The following WDPCP variants were observed in gnomAD, a reference collection of about 807,000 sequenced individuals.
WDPCP encodes the protein WD repeat-containing and planar cell polarity effector protein fritz homolog.
In WDPCP, 71 loss-of-function variants were observed where a neutral mutation model predicts 93.1. The observed-to-expected ratio is 0.76, with a 90% CI of 0.63 to 0.93. The LOEUF is 0.93. Among genes scored for constraint, WDPCP ranks in the 40% least tolerant of loss-of-function variants. WDPCP has a pLI of 0.00. For synonymous variants in WDPCP, 315 were observed against 315.0 expected, an observed-to-expected ratio of 1.00 and a Z score of 0.00; for missense variants, 844 against 887.4, an observed-to-expected ratio of 0.95 and a Z score of 0.62.
intron 14 of WDPCP, chr2:63,233,070 G>A (rs770092947): frequency 6.5e-5 from 10 of 154,800 alleles, no homozygotes; most frequent in Admixed American, 1.3e-4. Flanking sequence ...CAAGCCAAAG[G>A]AGCTAGAATT....
At chr2:63,439,912 C>T in intron 6 of WDPCP, 41 bp from the exon 7 acceptor site, 1 of 1,490,924 alleles carries the variant, frequency 6.7e-7, no homozygotes, top group Non-Finnish European at 9.4e-7. Context: ...GGAAGACATG[C>T]TGTGATTTAG....
chr2:63,515,638 T>C (rs1357433540), intron 1 of WDPCP, among the ~76,000 whole-genome samples: 1 of 152,246 alleles, frequency 6.6e-6, no homozygotes, highest in Non-Finnish European at 1.5e-5. Context: ...TACCATTTTA[T>C]GTTTGATCAA....
intron 10 of WDPCP, among the ~76,000 whole-genome samples, chr2:63,389,779 A>AAGATC (rs1693063560): frequency 6.6e-6 from 1 of 152,174 alleles, no homozygotes; most frequent in South Asian, 2.1e-4. Context: ...TAAACCAACA[A>AAGATC]AGATCAAAAG....
chr2:63,472,282 C>CT, intron 6 of WDPCP, among the ~76,000 whole-genome samples: 1 of 151,776 alleles, frequency 6.6e-6, no homozygotes, highest in Non-Finnish European at 1.5e-5. Flanking sequence ...GCCTATTAAT[C>CT]TTTTTTTAAT....
chr2:63,618,192 G>A (rs1340523745), intron 3 of WDPCP, among the ~76,000 whole-genome samples: 1 of 152,164 alleles, frequency 6.6e-6, no homozygotes, highest in Non-Finnish European at 1.5e-5. Context: ...ACGCCCTGTT[G>A]AGAAGAAGAT....
At chr2:63,588,142 G>A (rs1284918852) in intron 1 of WDPCP, 55 bp downstream of exon 1, 4 of 1,539,678 alleles carry the variant, frequency 2.6e-6, no homozygotes, top group Non-Finnish European at 3.5e-6. Context: ...CGCACCAACC[G>A]CATTCCGGAT....
At chr2:63,766,029 A>G (rs966508682) in intron 2 of WDPCP, among the ~76,000 whole-genome samples, 6 of 152,250 alleles carry the variant, frequency 3.9e-5, no homozygotes, top group African/African-American at 1.4e-4. Flanking sequence ...AAAGTTGTCC[A>G]TCTTGTTTAG....
chr2:63,813,430 C>T (rs948680529), intron 2 of WDPCP, among the ~76,000 whole-genome samples: 8 of 152,180 alleles, frequency 5.3e-5, no homozygotes, highest in African/African-American at 1.9e-4. Flanking sequence ...TCTGGAAAAA[C>T]TCATATTTCT....
In WDPCP at chr2:63,588,266, C is replaced by T. The variant is rs1388630682; in HGVS notation, c.6G>A (p.Arg2=). M[R]REFCWDAYSK... Reference sequence around the variant, plus strand: ...AGTAGGCGTCCCAGCAAAACTCTCGCCTCATCACCAGACACTACCCCGGGC... The same window carrying T: ...AGTAGGCGTCCCAGCAAAACTCTCGTCTCATCACCAGACACTACCCCGGGC... The change falls in exon 1 of 18, where the codon AGG becomes AGA. Residue 2 remains arginine, a synonymous_variant. Coordinates refer to ENST00000272321, the MANE Select transcript of WDPCP (RefSeq NM_015910.7). 3.2e-6 allele frequency: 5 copies of T among 1,574,394 alleles called. No individual in the cohort carries two copies. Among genetic ancestry groups the T allele is most frequent in the Admixed American group, 1.8e-5 (1 of 56,774 alleles).
At chr2:63,142,923 T>TACACACAC (rs1242494155) in intron 17 of WDPCP, among the ~76,000 whole-genome samples, 1 of 105,758 alleles carries the variant, frequency 9.5e-6, no homozygotes, top group African/African-American at 3.7e-5. Context: ...CACATACATA[T>TACACACAC]ACACACACAC....
upstream of WDPCP, among the ~76,000 whole-genome samples, chr2:63,829,535 C>T (rs1418404326): frequency 1.3e-5 from 2 of 152,090 alleles, no homozygotes; most frequent in African/African-American, 2.4e-5. Context: ...TTAGTCTTCT[C>T]TTTGCAATTT....
intron 2 of WDPCP, among the ~76,000 whole-genome samples, chr2:63,651,083 G>A (rs771580891): frequency 1.3e-5 from 2 of 152,096 alleles, no homozygotes; most frequent in Admixed American, 6.6e-5. Context: ...AACACCCTTG[G>A]AGATGATAGA....
chr2:63,514,290 C>A (rs767239631), intron 1 of WDPCP, among the ~76,000 whole-genome samples: 4 of 152,158 alleles, frequency 2.6e-5, no homozygotes, highest in Admixed American at 6.5e-5. Flanking sequence ...CAAGTTCACT[C>A]AGAACACATT....
intron 1 of WDPCP, among the ~76,000 whole-genome samples, chr2:63,559,127 C>T (rs572167632): frequency 6.6e-6 from 1 of 152,142 alleles, no homozygotes; most frequent in South Asian, 2.1e-4. Flanking sequence ...GCTGGTTCAA[C>T]ATATGCAAAT....
intron 5 of WDPCP, 25 bp downstream of exon 5, chr2:63,484,892 A>G (rs544178766): frequency 4.3e-6 from 7 of 1,610,882 alleles, no homozygotes; most frequent in Non-Finnish European, 5.9e-6. Flanking sequence ...GTTTGTTGCC[A>G]TTTTTGAAAC....
intron 1 of WDPCP, among the ~76,000 whole-genome samples, chr2:63,529,763 G>T (rs2106223977): frequency 6.6e-6 from 1 of 152,114 alleles, no homozygotes; most frequent in Middle Eastern, 3.4e-3. Context: ...AATAGTTTCA[G>T]AAGGAATGGT....
chr2:63,733,182 G>GA (rs1669585602), intron 2 of WDPCP, among the ~76,000 whole-genome samples: 1 of 129,390 alleles, frequency 7.7e-6, no homozygotes, highest in African/African-American at 3.0e-5. Flanking sequence ...ACAAATAAAT[G>GA]ATTTTTTTTT....
chr2:63,361,944 T>G (rs1233095939), intron 12 of WDPCP, among the ~76,000 whole-genome samples: 1 of 152,156 alleles, frequency 6.6e-6, no homozygotes, highest in Non-Finnish European at 1.5e-5. Flanking sequence ...TTTTAAAAAT[T>G]GATATATCAT....
intron 17 of WDPCP, among the ~76,000 whole-genome samples, chr2:63,136,543 CT>C (rs901756072): frequency 2.6e-5 from 4 of 151,798 alleles, no homozygotes; most frequent in Non-Finnish European, 4.4e-5. Context: ...AACAAATATT[CT>C]TTTTTTTAAC....
Sources: gnomAD v4.1 joint callset for allele counts (sites outside exome capture counted in the v4.1 genomes callset) on GRCh38, gnomAD v4.1.1 for gene constraint, MANE v1.5 for transcripts, NCBI Gene and HGNC (gene_info 2026-07-23, HGNC 2026-07-21) for gene names.